Variants in MROH2B observed in about 807,000 individuals in gnomAD.
The protein encoded by MROH2B is maestro heat like repeat family member 2B.
Under a neutral mutation model 208.6 loss-of-function variants are expected in MROH2B, and 177 were observed. The observed-to-expected ratio is 0.85, with a 90% CI of 0.75 to 0.96. MROH2B has a LOEUF of 0.96. Ranked by LOEUF, MROH2B falls within the 40% of genes least tolerant of loss-of-function variation. The pLI is 0.00. For synonymous variants in MROH2B, 728 were observed against 659.0 expected (o/e 1.10, Z -1.60); for missense variants, 2,002 against 1,878.7 (o/e 1.07, Z -1.21).
intron 37 of MROH2B, among the ~76,000 whole-genome samples, chr5:41,001,197 G>A (rs904989053): frequency 1.1e-4 from 17 of 152,040 alleles, no homozygotes; most frequent in Admixed American, 9.8e-4. Flanking sequence ...ACTTGGTTGC[G>A]TTACTAGCCT....
chr5:41,029,811 G>A (rs1742503844), intron 24 of MROH2B, among the ~76,000 whole-genome samples: 1 of 151,962 alleles, frequency 6.6e-6, no homozygotes, highest in African/African-American at 2.4e-5. Context: ...TACAAAAGAG[G>A]GAGTGAGAGT....
chr5:41,023,699 T>C lies in MROH2B; in HGVS notation c.2442-4681A>G, dbSNP rs150951342. Among the ~76,000 whole-genome samples, 797 of 152,158 alleles carry C rather than the reference T, an allele frequency of 5.2e-3. 10 individuals are homozygous for C. Among genetic ancestry groups the C allele is most frequent in the African/African-American group, 0.018 (736 of 41,502 alleles). ...TACAGAAAATGCCACAAAGATACTC[T>C]TTGAGAAGAGCAACTCCAAGACACA... On this transcript the variant is annotated intron_variant, in intron 24 of 41. Transcript: ENST00000399564.
At chr5:41,058,300 C>T in intron 6 of MROH2B, 97 bp from the exon 7 acceptor site, 1 of 1,208,962 alleles carries the variant, frequency 8.3e-7, no homozygotes, top group Non-Finnish European at 1.1e-6. Flanking sequence ...TGAAAACTTT[C>T]CTCACTGCTT....
intron 15 of MROH2B, 140 bp from the exon 16 acceptor site, chr5:41,048,605 A>G: frequency 9.9e-7 from 1 of 1,013,332 alleles, no homozygotes; most frequent in Non-Finnish European, 1.4e-6. Context: ...GTCTATTCTT[A>G]TTTATTCTAG....
At chr5:41,051,491 A>G (rs1315693013) in intron 12 of MROH2B, 1 of 153,702 alleles carries the variant, frequency 6.5e-6, no homozygotes, top group Non-Finnish European at 1.4e-5. Context: ...CTATTTATCA[A>G]AAGAAAGCTG....
chr5:41,041,710 G>A (rs1379436270), intron 19 of MROH2B, among the ~76,000 whole-genome samples: 1 of 152,200 alleles, frequency 6.6e-6, no homozygotes, highest in African/African-American at 2.4e-5. Context: ...ATGGTAGGAA[G>A]TAAGTAGAGC....
intron 15 of MROH2B, 37 bp from the exon 16 acceptor site, chr5:41,048,502 G>A: frequency 6.4e-7 from 1 of 1,555,656 alleles, no homozygotes; most frequent in East Asian, 2.3e-5. Context: ...TCAATTTCAG[G>A]GGCGTTTAAA....
intron 11 of MROH2B, among the ~76,000 whole-genome samples, chr5:41,052,878 T>C (rs1366441627): frequency 6.6e-6 from 1 of 152,220 alleles, no homozygotes; most frequent in African/African-American, 2.4e-5. Context: ...AGCATTTTCT[T>C]TGAGCATGAC....
chr5:41,038,958 C>T, intron 20 of MROH2B, 70 bp from the exon 21 acceptor site: 1 of 1,455,462 alleles, frequency 6.9e-7, no homozygotes, highest in South Asian at 1.3e-5. Context: ...TGTTTTTTTC[C>T]TAATCCTGTG....
In MROH2B at chr5:41,018,255, C is replaced by T. The variant is rs552561113; in HGVS notation, c.2763+86G>A. ...CTTCACTCTGAGATGCACGATCCATCATGCAGGAGTTTTGGATTCCAGAGA... is the reference window on the plus strand; with the variant it reads ...CTTCACTCTGAGATGCACGATCCATTATGCAGGAGTTTTGGATTCCAGAGA... On this transcript the variant is annotated intron_variant, in intron 27 of 41. Transcript: ENST00000399564. 1.6e-4 allele frequency: 216 copies of T among 1,334,128 alleles called. No individual in the cohort carries two copies. The African/African-American group carries it at 2.9e-3, about 18-fold the overall frequency. 82.6% of individuals were successfully genotyped at this position (1,334,128 alleles called of 1,614,324 possible). A position where few individuals can be genotyped will look rare whatever the true frequency, so the allele number is the denominator to read the frequency against.
At chr5:41,046,687 G>A (rs1214917897) in intron 17 of MROH2B, among the ~76,000 whole-genome samples, 2 of 152,036 alleles carry the variant, frequency 1.3e-5, no homozygotes, top group African/African-American at 4.8e-5. Flanking sequence ...AAAATTGGAA[G>A]AGGAGAAGGA....
intron 28 of MROH2B, among the ~76,000 whole-genome samples, chr5:41,016,840 A>C (rs895641636): frequency 6.6e-6 from 1 of 152,014 alleles, no homozygotes; most frequent in Non-Finnish European, 1.5e-5. Flanking sequence ...TGGTAAAAAC[A>C]TATATCTTTA....
At chr5:41,026,699 T>A (rs1742373074) in intron 24 of MROH2B, among the ~76,000 whole-genome samples, 2 of 152,146 alleles carry the variant, frequency 1.3e-5, no homozygotes, top group Admixed American at 1.3e-4. Flanking sequence ...TTAAAGTTCA[T>A]ATGGAACCAA....
chr5:41,049,001 GTTTGGAGTATCTATGTAAT>G, intron 15 of MROH2B, 81 bp downstream of exon 15: 1 of 1,155,838 alleles, frequency 8.7e-7, no homozygotes, highest in African/African-American at 1.6e-5. Flanking sequence ...GTTTCTTTTT[GTTTGGAGTATCTATGTAAT>G]TTATATTAGC....
At chr5:41,000,973 C>T (rs932823796) in intron 37 of MROH2B, 140 bp from the exon 38 acceptor site, 1 of 944,044 alleles carries the variant, frequency 1.1e-6, no homozygotes, top group African/African-American at 1.7e-5. Flanking sequence ...TAGTCACGGC[C>T]TCTAAATGTT....
At chr5:41,029,894 C>A (rs1369716528) in intron 24 of MROH2B, among the ~76,000 whole-genome samples, 2 of 151,812 alleles carry the variant, frequency 1.3e-5, no homozygotes, top group African/African-American at 4.8e-5. Flanking sequence ...CATTTGTACC[C>A]CAAGTCTCAG....
intron 24 of MROH2B, among the ~76,000 whole-genome samples, chr5:41,026,449 G>T (rs1742363137): frequency 6.6e-6 from 1 of 152,108 alleles, no homozygotes. Context: ...GCTTCAAAGA[G>T]AATAAAATAC....
Position 41,006,996 on chromosome 5 carries a change from AAT to A in MROH2B, c.3749+316_3749+317del, listed in dbSNP as rs1491164188. On this transcript the variant is annotated intron_variant, in intron 34 of 41. Coordinates refer to ENST00000399564, the MANE Select transcript of MROH2B (RefSeq NM_173489.5). ...AAAACCTACTGAAATAAAAAAATAA[AAT>A]TTTTTTTAAAAAGCTGATTAAAAAA... Among the ~76,000 whole-genome samples the A allele has an allele frequency of 1.1e-4, 16 of 152,110 alleles. No homozygotes were observed. The East Asian group carries it at 2.9e-3, about 27-fold the overall frequency.
chr5:41,032,236 T>C lies in MROH2B; in HGVS notation c.2441+506A>G, dbSNP rs990500917. 2.0e-5 allele frequency among the ~76,000 whole-genome samples: 3 copies of C among 152,124 alleles called. No homozygotes were observed. The East Asian group carries it at 5.8e-4, about 29-fold the overall frequency. On this transcript the variant is annotated intron_variant, in intron 24 of 41. Coordinates refer to ENST00000399564, the MANE Select transcript of MROH2B (RefSeq NM_173489.5). ...CCTTTTCTCCACAACCTTAGCAGCA[T>C]CTTTGAGTTTTTAGTAATAGCCATT...
Sources: gnomAD v4.1 joint callset for allele counts (sites outside exome capture counted in the v4.1 genomes callset) on GRCh38, gnomAD v4.1.1 for gene constraint, MANE v1.5 for transcripts, NCBI Gene and HGNC (gene_info 2026-07-23, HGNC 2026-07-21) for gene names.